The following KHDRBS2 variants were observed in gnomAD, a reference collection of about 807,000 sequenced individuals.
KHDRBS2 encodes KH RNA binding domain containing, signal transduction associated 2, also known as KH domain-containing, RNA-binding, signal transduction-associated protein 2.
KHDRBS2 carries 26 observed loss-of-function variants against 44.3 expected under a neutral mutation model. The ratio of observed to expected loss-of-function variants is 0.59; its 90% CI spans 0.43 to 0.81. KHDRBS2 has a LOEUF of 0.81. Ranked by LOEUF, KHDRBS2 falls within the 40% of genes least tolerant of loss-of-function variation. KHDRBS2 has a pLI of 0.00. For synonymous variants in KHDRBS2, 194 were observed against 151.1 expected, an observed-to-expected ratio of 1.28 and a Z score of -2.08; for missense variants, 476 against 433.1, an observed-to-expected ratio of 1.10 and a Z score of -0.88.
chr6:61,699,455 T>C (rs2127544963), intron 7 of KHDRBS2, among the ~76,000 whole-genome samples: 1 of 152,158 alleles, frequency 6.6e-6, no homozygotes, highest in East Asian at 1.9e-4. Flanking sequence ...TCAAGGTCAG[T>C]AATTCATTTT....
intron 2 of KHDRBS2, among the ~76,000 whole-genome samples, chr6:62,098,206 T>C (rs115756446): frequency 7.4e-4 from 112 of 151,838 alleles, no homozygotes; most frequent in African/African-American, 2.5e-3. Flanking sequence ...AATTTGTTCA[T>C]ATACTTACTC....
intron 3 of KHDRBS2, among the ~76,000 whole-genome samples, chr6:62,000,922 A>T (rs899773766): frequency 6.6e-6 from 1 of 152,224 alleles, no homozygotes; most frequent in Non-Finnish European, 1.5e-5. Flanking sequence ...TCAAAAATTC[A>T]GCAGAAATAT....
At chr6:62,256,374 T>C (rs964321336) in intron 1 of KHDRBS2, among the ~76,000 whole-genome samples, 2 of 151,942 alleles carry the variant, frequency 1.3e-5, no homozygotes, top group Admixed American at 1.3e-4. Context: ...CCACGTGTTG[T>C]TGTGGGAGGG....
At chr6:61,795,732 T>A (rs1173966427) in intron 6 of KHDRBS2, among the ~76,000 whole-genome samples, 1 of 152,178 alleles carries the variant, frequency 6.6e-6, no homozygotes, top group East Asian at 1.9e-4. Flanking sequence ...ACATTTTGCC[T>A]CTTTCTTCTT....
chr6:62,170,481 C>CA (rs1180642775), intron 2 of KHDRBS2, among the ~76,000 whole-genome samples: 4 of 152,094 alleles, frequency 2.6e-5, no homozygotes, highest in Non-Finnish European at 4.4e-5. Flanking sequence ...CCAACTGTGC[C>CA]AAAAAACAGA....
Position 61,776,032 on chromosome 6 carries a change from T to C in KHDRBS2, c.811-43268A>G, listed in dbSNP as rs1319446394. ...CTTTGACAAACCTGAGAAAAACAAG[T>C]AATGGGGAAAGGATTCCCTATTTAA... On this transcript the variant is annotated intron_variant, in intron 6 of 8. Transcript: ENST00000281156. 3.8e-3 allele frequency among the ~76,000 whole-genome samples: 583 copies of C among 151,798 alleles called. 4 individuals carry two copies. Among genetic ancestry groups the C allele is most frequent in the Middle Eastern group, 0.014 (4 of 294 alleles).
chr6:62,037,773 G>A (rs188859921), intron 3 of KHDRBS2, among the ~76,000 whole-genome samples: 84 of 151,936 alleles, frequency 5.5e-4, no homozygotes, highest in African/African-American at 2.0e-3. Flanking sequence ...TCTGGAAAAA[G>A]GCATATGCAA....
chr6:62,030,617 T>G (rs1282919191), intron 3 of KHDRBS2, among the ~76,000 whole-genome samples: 1 of 152,064 alleles, frequency 6.6e-6, no homozygotes, highest in Non-Finnish European at 1.5e-5. Flanking sequence ...TTCCTAGAAC[T>G]AATAGATGTT....
intron 8 of KHDRBS2, among the ~76,000 whole-genome samples, chr6:61,694,349 A>G (rs1000851166): frequency 1.3e-5 from 2 of 152,216 alleles, no homozygotes; most frequent in Non-Finnish European, 2.9e-5. Context: ...GCAAACTTTT[A>G]TATGTAGTTG....
At chr6:62,248,854 C>A (rs565801347) in intron 1 of KHDRBS2, among the ~76,000 whole-genome samples, 1 of 151,914 alleles carries the variant, frequency 6.6e-6, no homozygotes, top group African/African-American at 2.4e-5. Flanking sequence ...ACAGGGTAAG[C>A]GAAGTCAACA....
At chr6:61,565,910 C>G in the KHDRBS2 span, among the ~76,000 whole-genome samples, 2 of 152,170 alleles carry the variant, frequency 1.3e-5, no homozygotes, top group African/African-American at 2.4e-5. Context: ...TATCTACACT[C>G]TCATGTTTAT....
rs181889458 is a variant in KHDRBS2 at position 62,165,635 on chromosome 6, G to A, written c.219+11550C>T. On this transcript the variant is annotated intron_variant, in intron 2 of 8. Coordinates refer to ENST00000281156, the MANE Select transcript of KHDRBS2 (RefSeq NM_152688.4). ...CTAAAATACATTTGGTAATATTTTT[G>A]AAATATTTCTTATTATTGTAAAATA... is the stretch of plus-strand genomic sequence containing the variant. Among the ~76,000 whole-genome samples the A allele has an allele frequency of 1.1e-4, 16 of 151,750 alleles. No homozygotes were observed. In the Middle Eastern group the frequency reaches 0.01, roughly 97 times the overall value.
chr6:61,666,580 T>C, the KHDRBS2 span, among the ~76,000 whole-genome samples: 1 of 151,388 alleles, frequency 6.6e-6, no homozygotes, highest in Admixed American at 6.6e-5. Flanking sequence ...CCCTGAAGTG[T>C]ACAGCACAGT....
intron 8 of KHDRBS2, among the ~76,000 whole-genome samples, chr6:61,687,818 G>A (rs1029235372): frequency 1.5e-4 from 23 of 151,874 alleles, no homozygotes; most frequent in African/African-American, 4.3e-4. Context: ...CAAACTTCAG[G>A]CTGTGCCAAG....
chr6:61,804,790 G>T (rs938945005), intron 6 of KHDRBS2, among the ~76,000 whole-genome samples: 1 of 152,144 alleles, frequency 6.6e-6, no homozygotes, highest in Non-Finnish European at 1.5e-5. Context: ...CAAGTCCTAA[G>T]ACTGCACAAA....
At chr6:61,817,138 T>G in intron 6 of KHDRBS2, 2 of 325,870 alleles carry the variant, frequency 6.1e-6, no homozygotes, top group Non-Finnish European at 1.2e-5. Flanking sequence ...TGCTGCCCAC[T>G]GAATGATGAC....
At chr6:61,848,486 T>TAC (rs1562293343) in intron 6 of KHDRBS2, among the ~76,000 whole-genome samples, 3 of 45,826 alleles carry the variant, frequency 6.5e-5, no homozygotes, top group South Asian at 8.1e-4. Flanking sequence ...TATATATATA[T>TAC]ATATGTATAT....
the KHDRBS2 span, among the ~76,000 whole-genome samples, chr6:61,638,891 T>G: frequency 2.6e-5 from 4 of 152,078 alleles, no homozygotes; most frequent in Non-Finnish European, 4.4e-5. Flanking sequence ...TGTGTCGAGT[T>G]GTTGTTGTTG....
At chr6:62,017,223 A>G (rs1437008309) in intron 3 of KHDRBS2, among the ~76,000 whole-genome samples, 2 of 152,132 alleles carry the variant, frequency 1.3e-5, no homozygotes, top group African/African-American at 2.4e-5. Flanking sequence ...TGTTTTCAGT[A>G]GCACTCTGGT....
Sources: allele counts gnomAD v4.1 joint callset (sites outside exome capture counted in the v4.1 genomes callset), GRCh38; gene constraint gnomAD v4.1.1; transcripts MANE v1.5; gene names NCBI Gene and HGNC (gene_info 2026-07-23, HGNC 2026-07-21).